The following KLRG1 variants were observed in gnomAD, a reference collection of about 807,000 sequenced individuals.
KLRG1 encodes the protein killer cell lectin-like receptor subfamily G member 1.
In KLRG1, 16 loss-of-function variants were observed where a neutral mutation model predicts 21.8. The observed-to-expected ratio is 0.73, with a 90% CI of 0.50 to 1.11. The LOEUF (loss-of-function observed/expected upper bound fraction) is 1.11, where lower values mean the gene tolerates loss of function less well. KLRG1 is among the 50% of genes most tolerant of loss of function. The pLI is 0.00. For synonymous variants in KLRG1, 69 were observed against 75.9 expected (o/e 0.91, Z 0.47); for missense variants, 173 against 218.3 (o/e 0.79, Z 1.31).
At chr12:9,125,908 T>A in the KLRG1 span, among the ~76,000 whole-genome samples, 1 of 152,184 alleles carries the variant, frequency 6.6e-6, no homozygotes, top group Non-Finnish European at 1.5e-5. Context: ...CTAATTTTTG[T>A]ATTTTTAGTA....
chr12:9,086,568 A>G, the KLRG1 span, among the ~76,000 whole-genome samples: 1 of 152,340 alleles, frequency 6.6e-6, no homozygotes, highest in East Asian at 1.9e-4. Flanking sequence ...AGATGGAGAA[A>G]AAGTATTTGA....
chr12:9,109,548 C>A, the KLRG1 span: 1 of 670,776 alleles, frequency 1.5e-6, no homozygotes, highest in South Asian at 1.9e-5. Flanking sequence ...TCTTATCTAT[C>A]CTCCTCTCAA....
the KLRG1 span, among the ~76,000 whole-genome samples, chr12:9,018,565 G>A: frequency 6.6e-6 from 1 of 151,914 alleles, no homozygotes; most frequent in Non-Finnish European, 1.5e-5. Context: ...GAGAAAACTG[G>A]ATATTCATAT....
chr12:9,122,259 A>G, the KLRG1 span, among the ~76,000 whole-genome samples: 1 of 152,164 alleles, frequency 6.6e-6, no homozygotes, highest in Non-Finnish European at 1.5e-5. Flanking sequence ...TCCTTTGATG[A>G]ACAGAAAATA....
chr12:9,056,350 G>GA, the KLRG1 span, among the ~76,000 whole-genome samples: 1 of 152,132 alleles, frequency 6.6e-6, no homozygotes, highest in Admixed American at 6.6e-5. Flanking sequence ...TACTCTGGTG[G>GA]AAAATCAAAG....
At chr12:8,967,557 ACAAAAAAT>A (rs1304162333) in intron 1 of KLRG1, among the ~76,000 whole-genome samples, 2 of 142,176 alleles carry the variant, frequency 1.4e-5, no homozygotes, top group African/African-American at 2.5e-5. Flanking sequence ...CTCCGTCTCT[ACAAAAAAT>A]TAAAAAATTA....
At chr12:9,173,595 A>G in the KLRG1 span, among the ~76,000 whole-genome samples, 1 of 152,146 alleles carries the variant, frequency 6.6e-6, no homozygotes, top group Non-Finnish European at 1.5e-5. Flanking sequence ...ACTAATAAAG[A>G]AGAAAAAAAG....
the KLRG1 span, chr12:9,067,956 G>T: frequency 9.1e-7 from 1 of 1,093,482 alleles, no homozygotes; most frequent in Non-Finnish European, 1.4e-6. Context: ...AGTACAGTGG[G>T]AAACCAAATC....
At chr12:9,099,992 G>A in the KLRG1 span, among the ~76,000 whole-genome samples, 1 of 152,224 alleles carries the variant, frequency 6.6e-6, no homozygotes, top group Non-Finnish European at 1.5e-5. Flanking sequence ...GTTGCATTAA[G>A]TTTCCTTCAG....
At chr12:9,003,950 G>A (rs970555447) in intron 3 of KLRG1, among the ~76,000 whole-genome samples, 18 of 151,418 alleles carry the variant, frequency 1.2e-4, no homozygotes, top group East Asian at 3.9e-4. Flanking sequence ...GAGAACATGC[G>A]GTGTTTGGTT....
chr12:9,038,171 G>C, the KLRG1 span, among the ~76,000 whole-genome samples: 1 of 152,160 alleles, frequency 6.6e-6, no homozygotes, highest in African/African-American at 2.4e-5. Flanking sequence ...TGAGGCTGGA[G>C]ACTCGCTTGA....
At chr12:9,106,835 G>A in the KLRG1 span, among the ~76,000 whole-genome samples, 11 of 152,134 alleles carry the variant, frequency 7.2e-5, 1 homozygote, top group Middle Eastern at 0.01. Flanking sequence ...GATATATTGC[G>A]ATAGAAATGT....
At chr12:9,130,164 G>C in the KLRG1 span, among the ~76,000 whole-genome samples, 1 of 152,020 alleles carries the variant, frequency 6.6e-6, no homozygotes, top group Admixed American at 6.6e-5. Flanking sequence ...TCTTTTTAAG[G>C]CTGAATAATA....
chr12:8,980,588 G>C (rs968178677), intron 1 of KLRG1, among the ~76,000 whole-genome samples: 5 of 152,184 alleles, frequency 3.3e-5, no homozygotes, highest in African/African-American at 1.2e-4. Flanking sequence ...GGAGACTTGT[G>C]GGGCACATAT....
At chr12:9,073,214 A>C in the KLRG1 span, among the ~76,000 whole-genome samples, 4 of 152,314 alleles carry the variant, frequency 2.6e-5, no homozygotes, top group East Asian at 7.7e-4. Context: ...CTTGACAACT[A>C]TGCTCATATC....
intron 1 of KLRG1, chr12:8,970,347 T>C (rs1046194200): frequency 1.3e-5 from 2 of 152,234 alleles, no homozygotes; most frequent in African/African-American, 4.8e-5. Context: ...TGTGGCTTCT[T>C]ACAGAAAACG....
the KLRG1 span, chr12:9,094,893 T>G: frequency 7.2e-6 from 5 of 696,064 alleles, no homozygotes; most frequent in African/African-American, 1.8e-5. Flanking sequence ...TTTGTTAATT[T>G]TTGTCACATT....
the KLRG1 span, among the ~76,000 whole-genome samples, chr12:9,205,571 C>T: frequency 2.0e-5 from 3 of 152,166 alleles, no homozygotes; most frequent in African/African-American, 4.8e-5. Context: ...CATGCCAAAT[C>T]AGTAAAATCA....
the KLRG1 span, among the ~76,000 whole-genome samples, chr12:9,117,626 G>C: frequency 6.6e-6 from 1 of 152,154 alleles, no homozygotes; most frequent in African/African-American, 2.4e-5. Flanking sequence ...TGAGGGTTGG[G>C]AAGATGGAGT....
Sources: gnomAD v4.1 joint callset for allele counts (sites outside exome capture counted in the v4.1 genomes callset) on GRCh38, gnomAD v4.1.1 for gene constraint, MANE v1.5 for transcripts, NCBI Gene and HGNC (gene_info 2026-07-23, HGNC 2026-07-21) for gene names.